EYS: variants seen among roughly 807,000 people sequenced by gnomAD.
The protein encoded by EYS is EGF-like photoreceptor maintenance factor.
Under a neutral mutation model 282.1 loss-of-function variants are expected in EYS, and 250 were observed. The ratio of observed to expected loss-of-function variants is 0.89; its 90% CI spans 0.80 to 0.98. The LOEUF is 0.98. Ranked by LOEUF, EYS falls within the 50% of genes least tolerant of loss-of-function variation. The probability of loss-of-function intolerance (pLI) is 0.00; values close to 1 mark genes in which losing one functional copy is unlikely to be tolerated. For synonymous variants in EYS, 1,355 were observed against 1,282.9 expected (o/e 1.06, Z -1.20); for missense variants, 4,016 against 3,709.0 (o/e 1.08, Z -2.15).
At chr6:65,174,157 C>T (rs1162932664) in intron 12 of EYS, among the ~76,000 whole-genome samples, 1 of 151,222 alleles carries the variant, frequency 6.6e-6, no homozygotes, top group Non-Finnish European at 1.5e-5. Context: ...GGTAAATCTA[C>T]ATCTGTTTAC....
At chr6:64,777,646 T>A (rs1366059754) in intron 22 of EYS, among the ~76,000 whole-genome samples, 1 of 152,300 alleles carries the variant, frequency 6.6e-6, no homozygotes, top group Admixed American at 6.5e-5. Flanking sequence ...AGGTTGCAAG[T>A]AATGAACACT....
intron 22 of EYS, among the ~76,000 whole-genome samples, chr6:64,705,864 T>A (rs1311575225): frequency 1.4e-5 from 2 of 142,110 alleles, no homozygotes; most frequent in East Asian, 4.3e-4. Flanking sequence ...AGGGATAGCA[T>A]TGGGAGATAT....
At chr6:64,197,603 A>G (rs1186514498) in intron 31 of EYS, among the ~76,000 whole-genome samples, 1 of 152,146 alleles carries the variant, frequency 6.6e-6, no homozygotes, top group East Asian at 1.9e-4. Flanking sequence ...TCAAATTTCA[A>G]AAGTTTTATC....
At chr6:65,536,325 T>C (rs1274188676) in intron 2 of EYS, among the ~76,000 whole-genome samples, 2 of 85,944 alleles carry the variant, frequency 2.3e-5, no homozygotes, top group Non-Finnish European at 3.9e-5. Flanking sequence ...GTAGCAGAGA[T>C]TTTTTTTTTT....
At chr6:64,376,528 C>A (rs1195953972) in intron 29 of EYS, among the ~76,000 whole-genome samples, 1 of 152,176 alleles carries the variant, frequency 6.6e-6, no homozygotes, top group East Asian at 1.9e-4. Context: ...AGAATTCCAA[C>A]AATTTCTACA....
intron 12 of EYS, among the ~76,000 whole-genome samples, chr6:65,089,874 T>C (rs1273632574): frequency 6.6e-6 from 1 of 150,422 alleles, no homozygotes; most frequent in Non-Finnish European, 1.5e-5. Context: ...GGGAATTGCT[T>C]GAATCTGGGA....
At chr6:64,770,004 G>T (rs1773476324) in intron 22 of EYS, among the ~76,000 whole-genome samples, 1 of 151,846 alleles carries the variant, frequency 6.6e-6, no homozygotes, top group South Asian at 2.1e-4. Context: ...ATTGTTGGTA[G>T]AAATAATTTT....
intron 40 of EYS, among the ~76,000 whole-genome samples, chr6:63,764,909 T>C (rs1437211436): frequency 6.6e-6 from 1 of 152,040 alleles, no homozygotes; most frequent in Non-Finnish European, 1.5e-5. Context: ...TTGGTTTCTA[T>C]AGCACCCTGT....
At chr6:63,874,074 C>T (rs1342307084) in intron 35 of EYS, among the ~76,000 whole-genome samples, 1 of 152,172 alleles carries the variant, frequency 6.6e-6, no homozygotes, top group Non-Finnish European at 1.5e-5. Context: ...TTGCCCATGC[C>T]TATGTCCTGA....
chr6:64,020,095 G>C (rs1418778984), intron 33 of EYS, among the ~76,000 whole-genome samples: 1 of 151,852 alleles, frequency 6.6e-6, no homozygotes, highest in Non-Finnish European at 1.5e-5. Flanking sequence ...TACATTTATT[G>C]CTATTCAAAT....
intron 26 of EYS, among the ~76,000 whole-genome samples, chr6:64,576,577 G>C (rs1469139912): frequency 6.6e-6 from 1 of 151,966 alleles, no homozygotes; most frequent in East Asian, 1.9e-4. Flanking sequence ...GAAGACTGAA[G>C]AATATCAACA....
At chr6:64,687,831 C>T (rs1203907770) in intron 22 of EYS, among the ~76,000 whole-genome samples, 1 of 152,136 alleles carries the variant, frequency 6.6e-6, no homozygotes, top group Non-Finnish European at 1.5e-5. Context: ...TAGAATTCGG[C>T]AGTGAATCAG....
intron 28 of EYS, among the ~76,000 whole-genome samples, chr6:64,431,227 G>C (rs991366502): frequency 1.3e-5 from 2 of 152,084 alleles, no homozygotes; most frequent in Non-Finnish European, 2.9e-5. Flanking sequence ...GAAGGTGGCT[G>C]TCTTCTGTCT....
intron 5 of EYS, among the ~76,000 whole-genome samples, chr6:65,474,162 A>G (rs1232449692): frequency 6.6e-6 from 1 of 152,136 alleles, no homozygotes; most frequent in East Asian, 1.9e-4. Flanking sequence ...ATAAGGTGAC[A>G]TGGAGCTCAA....
At chr6:64,659,811 G>A (rs1467136369) in intron 22 of EYS, among the ~76,000 whole-genome samples, 2 of 152,038 alleles carry the variant, frequency 1.3e-5, no homozygotes, top group East Asian at 1.9e-4. Context: ...AGAGGTACAA[G>A]CAGGAGCTGG....
At chr6:65,659,050 C>A (rs1227586353) in intron 1 of EYS, among the ~76,000 whole-genome samples, 1 of 151,190 alleles carries the variant, frequency 6.6e-6, no homozygotes, top group African/African-American at 2.4e-5. Flanking sequence ...TTATCTAGAT[C>A]CTATTGTTTT....
intron 12 of EYS, among the ~76,000 whole-genome samples, chr6:65,068,332 A>G (rs1773807482): frequency 6.6e-6 from 1 of 152,094 alleles, no homozygotes; most frequent in Non-Finnish European, 1.5e-5. Context: ...GTTCTCTCAA[A>G]TAATGAATAC....
intron 35 of EYS, among the ~76,000 whole-genome samples, chr6:63,925,846 G>A (rs910175252): frequency 2.6e-5 from 4 of 152,000 alleles, no homozygotes; most frequent in South Asian, 4.2e-4. Context: ...GGGTTTCACC[G>A]TGTTAGCCAG....
chr6:65,655,819 G>A (rs763460238), intron 1 of EYS, among the ~76,000 whole-genome samples: 6 of 151,810 alleles, frequency 4.0e-5, no homozygotes, highest in African/African-American at 1.4e-4. Flanking sequence ...TATTCCTGGC[G>A]AAGATGCTGT....
Sources: allele counts gnomAD v4.1 joint callset (sites outside exome capture counted in the v4.1 genomes callset), GRCh38; gene constraint gnomAD v4.1.1; transcripts MANE v1.5; gene names NCBI Gene and HGNC (gene_info 2026-07-23, HGNC 2026-07-21).